Variants in UBE2D3 observed in about 807,000 individuals in gnomAD.
The protein encoded by UBE2D3 is ubiquitin conjugating enzyme E2 D3.
A neutral mutation model predicts 22.8 loss-of-function variants in UBE2D3; 2 were observed. The observed-to-expected ratio is 0.09, with a 90% CI of 0.04 to 0.28. The LOEUF (loss-of-function observed/expected upper bound fraction) is 0.28, where lower values mean the gene tolerates loss of function less well. Among genes scored for constraint, UBE2D3 ranks in the 10% least tolerant of loss-of-function variants. UBE2D3 has a pLI of 1.00. For missense variants in UBE2D3, 27 were observed against 182.5 expected, an observed-to-expected ratio of 0.15 and a Z score of 4.91; for synonymous variants, 56 against 60.4, an observed-to-expected ratio of 0.93 and a Z score of 0.34.
intron 2 of UBE2D3, among the ~76,000 whole-genome samples, chr4:102,817,445 G>A (rs369046071): frequency 6.6e-6 from 1 of 152,140 alleles, no homozygotes. Context: ...CCTTAAGAGA[G>A]GGGAAAGAAA....
intron 1 of UBE2D3, among the ~76,000 whole-genome samples, chr4:102,860,301 G>T (rs1015290259): frequency 1.3e-5 from 2 of 151,592 alleles, no homozygotes; most frequent in African/African-American, 4.8e-5. Flanking sequence ...TCAACTGCTA[G>T]AACTTTAATT....
At chr4:102,807,367 T>G (rs951119143) in intron 4 of UBE2D3, among the ~76,000 whole-genome samples, 1 of 152,238 alleles carries the variant, frequency 6.6e-6, no homozygotes, top group South Asian at 2.1e-4. Flanking sequence ...GTTAACTATT[T>G]AAAGCTGGCA....
At chr4:102,850,274 T>A (rs1307462460) in intron 1 of UBE2D3, among the ~76,000 whole-genome samples, 4 of 152,196 alleles carry the variant, frequency 2.6e-5, no homozygotes, top group African/African-American at 9.7e-5. Flanking sequence ...GGAGCTCTCA[T>A]AAGAAGGTTT....
intron 6 of UBE2D3, 89 bp downstream of exon 6, chr4:102,801,365 C>CA: frequency 8.9e-7 from 1 of 1,125,928 alleles, no homozygotes; most frequent in Non-Finnish European, 1.3e-6. Context: ...TACCAAAAAG[C>CA]TGCCATAATA....
intron 2 of UBE2D3, chr4:102,825,174 T>C: frequency 2.2e-6 from 2 of 919,292 alleles, no homozygotes; most frequent in Non-Finnish European, 2.6e-6. Flanking sequence ...GGCAAATTCT[T>C]GCCATTCCTC....
intron 1 of UBE2D3, among the ~76,000 whole-genome samples, chr4:102,864,463 T>C (rs989463500): frequency 3.3e-5 from 3 of 91,856 alleles, no homozygotes; most frequent in African/African-American, 5.4e-5. Flanking sequence ...GAATGTGAGA[T>C]TGTGGTCACC....
At chr4:102,865,004 C>G (rs927264834) in intron 1 of UBE2D3, among the ~76,000 whole-genome samples, 29 of 152,208 alleles carry the variant, frequency 1.9e-4, no homozygotes, top group South Asian at 8.3e-4. Context: ...CTTTCTCATG[C>G]ACAAAAAGTA....
intron 1 of UBE2D3, among the ~76,000 whole-genome samples, chr4:102,845,449 A>T (rs930414082): frequency 1.3e-5 from 2 of 152,190 alleles, no homozygotes; most frequent in African/African-American, 2.4e-5. Context: ...TCTAATGTAC[A>T]GACAAGTTTG....
chr4:102,851,197 T>C (rs1466211982), intron 1 of UBE2D3, among the ~76,000 whole-genome samples: 1 of 152,228 alleles, frequency 6.6e-6, no homozygotes, highest in Non-Finnish European at 1.5e-5. Context: ...TTGCCACTTT[T>C]CCCATCAAAG....
rs765687570 is a variant in UBE2D3, at chr4:102,826,543, G to A, written c.-35C>T. 1.2e-6 allele frequency: 2 copies of A among 1,612,018 alleles called. No homozygotes were observed. Among genetic ancestry groups the A allele is most frequent in the South Asian group, 1.1e-5 (1 of 91,040 alleles). ...TTGTCGTCTGGCTCCTCACTCTCTC[G>A]GTGTATGCTCAAAGGTCCGGCCAAA... is the stretch of plus-strand genomic sequence containing the variant. On this transcript the variant is annotated 5_prime_UTR_variant, in exon 2 of 8. Coordinates refer to ENST00000453744, the MANE Select transcript of UBE2D3 (RefSeq NM_181891.3).
intron 2 of UBE2D3, among the ~76,000 whole-genome samples, chr4:102,814,058 T>C (rs138046535): frequency 3.9e-3 from 592 of 152,310 alleles, no homozygotes; most frequent in Non-Finnish European, 6.1e-3. Flanking sequence ...CTTGTCTGTA[T>C]AGATATACCC....
chr4:102,825,783 A>T (rs1433643938), intron 2 of UBE2D3: 1 of 461,262 alleles, frequency 2.2e-6, no homozygotes, highest in African/African-American at 2.0e-5. Flanking sequence ...CCAAAAGGAA[A>T]AGGGAGCTTC....
At chr4:102,868,731 C>G (rs1733308160) in exon 1 of UBE2D3, 1 of 1,613,946 alleles carries the variant, frequency 6.2e-7, no homozygotes, top group African/African-American at 1.3e-5. Flanking sequence ...AAGGCACTTT[C>G]GGTTAGAAAG....
upstream of UBE2D3, chr4:102,827,572 G>GCCCCTC: frequency 1.0e-6 from 1 of 986,620 alleles, no homozygotes; most frequent in Non-Finnish European, 1.2e-6. Context: ...GCCACGCTCC[G>GCCCCTC]CCCCTCCCCC....
chr4:102,827,726 G>C (rs1166945479), upstream of UBE2D3: 62 of 980,146 alleles, frequency 6.3e-5, no homozygotes, highest in Non-Finnish European at 7.5e-5. Flanking sequence ...CTTCTTCTCG[G>C]AACAGCACCT....
At chr4:102,859,008 C>CGTTTTCAT (rs1392883243) in intron 1 of UBE2D3, among the ~76,000 whole-genome samples, 2 of 151,920 alleles carry the variant, frequency 1.3e-5, no homozygotes, top group Non-Finnish European at 2.9e-5. Flanking sequence ...CATACTTTCA[C>CGTTTTCAT]GTTTTCATGT....
At chr4:102,820,324 C>T (rs1729396435) in intron 2 of UBE2D3, among the ~76,000 whole-genome samples, 1 of 152,146 alleles carries the variant, frequency 6.6e-6, no homozygotes, top group African/African-American at 2.4e-5. Context: ...ATGGTTATTT[C>T]AAGAGAAGGA....
intron 1 of UBE2D3, among the ~76,000 whole-genome samples, chr4:102,833,891 C>T (rs1278126939): frequency 6.6e-6 from 1 of 152,150 alleles, no homozygotes; most frequent in Non-Finnish European, 1.5e-5. Flanking sequence ...AAATTGATAA[C>T]AGGAGGACCG....
intron 2 of UBE2D3, among the ~76,000 whole-genome samples, chr4:102,818,279 T>C (rs1471440954): frequency 6.6e-6 from 1 of 152,232 alleles, no homozygotes; most frequent in Non-Finnish European, 1.5e-5. Flanking sequence ...GTTGGACATT[T>C]CTTTTCCACA....
Sources: gnomAD v4.1 joint callset for allele counts (sites outside exome capture counted in the v4.1 genomes callset) on GRCh38, gnomAD v4.1.1 for gene constraint, MANE v1.5 for transcripts, NCBI Gene and HGNC (gene_info 2026-07-23, HGNC 2026-07-21) for gene names.